The following TMPRSS11A variants were observed in gnomAD, a reference collection of about 807,000 sequenced individuals.
TMPRSS11A encodes transmembrane protease serine 11A.
In TMPRSS11A, 53 loss-of-function variants were observed where a neutral mutation model predicts 58.9. The ratio of observed to expected loss-of-function variants is 0.90; its 90% CI spans 0.72 to 1.13. The LOEUF is 1.13. Among genes scored for constraint, TMPRSS11A ranks in the 50% most tolerant of loss-of-function variants. The pLI is 0.00. For synonymous variants in TMPRSS11A, 167 were observed against 169.8 expected, an observed-to-expected ratio of 0.98 and a Z score of 0.13; for missense variants, 493 against 499.3, an observed-to-expected ratio of 0.99 and a Z score of 0.12.
chr4:67,922,640 T>C (rs939214750), intron 7 of TMPRSS11A, 115 bp downstream of exon 7: 2 of 1,028,218 alleles, frequency 1.9e-6, no homozygotes, highest in Admixed American at 5.6e-5. Flanking sequence ...GAACCTGAAA[T>C]AACTTTTTCT....
chr4:67,923,428 C>T (rs1259344777), intron 6 of TMPRSS11A, among the ~76,000 whole-genome samples: 1 of 152,188 alleles, frequency 6.6e-6, no homozygotes, highest in Non-Finnish European at 1.5e-5. Flanking sequence ...TTTGTAAAAT[C>T]TTTCAAAATT....
intron 3 of TMPRSS11A, among the ~76,000 whole-genome samples, chr4:67,943,501 A>C (rs563867633): frequency 6.6e-6 from 1 of 152,236 alleles, no homozygotes; most frequent in East Asian, 1.9e-4. Context: ...GGAGTAGAGA[A>C]GGTATTTGGG....
chr4:67,955,092 T>C (rs1043691403), intron 1 of TMPRSS11A, among the ~76,000 whole-genome samples: 103 of 152,186 alleles, frequency 6.8e-4, no homozygotes, highest in African/African-American at 2.5e-3. Context: ...TTTAAGATCA[T>C]CTTGGAGTTG....
At chr4:67,934,250 G>T (rs1232002581) in intron 3 of TMPRSS11A, among the ~76,000 whole-genome samples, 2 of 152,096 alleles carry the variant, frequency 1.3e-5, no homozygotes, top group Non-Finnish European at 2.9e-5. Context: ...CTGGTAAAAA[G>T]AATTCTGATA....
chr4:67,912,468 A>T (rs1014816236), intron 9 of TMPRSS11A, among the ~76,000 whole-genome samples: 38 of 152,084 alleles, frequency 2.5e-4, no homozygotes, highest in Admixed American at 1.0e-3. Context: ...CACTTTCTTG[A>T]TTTATTCCCT....
intron 8 of TMPRSS11A, 24 bp downstream of exon 8, chr4:67,918,949 T>C (rs1192585340): frequency 6.2e-7 from 1 of 1,613,334 alleles, no homozygotes; most frequent in Non-Finnish European, 8.5e-7. Context: ...CTTAGCGCTC[T>C]GTTAGCTATC....
Position 67,910,518 on chromosome 4 carries a change from G to A in TMPRSS11A, c.*824C>T, listed in dbSNP as rs1222056282. ...TCCCCCTTGTGGTCAAAATATGTAA[G>A]TGCATCTGTGAAATGTCAAATTTCT... On this transcript the variant is annotated 3_prime_UTR_variant, in exon 10 of 10. Coordinates refer to ENST00000508048, the MANE Select transcript of TMPRSS11A (RefSeq NM_001114387.2). 1 of 152,012 alleles carries A rather than the reference G, an allele frequency of 6.6e-6. No homozygotes were observed. The highest frequency in any genetic ancestry group is 1.5e-5 in the Non-Finnish European group (1 of 67,938). The allele number at this position is 152,012 out of a possible 1,614,324, so 9.4% of individuals were successfully genotyped here.
rs763235501 is a variant in TMPRSS11A, at chr4:67,944,627, CT to C, written c.143del (p.Lys48ArgfsTer11). 23 of 1,609,546 alleles carry C rather than the reference CT, an allele frequency of 1.4e-5. No homozygotes were observed. The highest frequency in any genetic ancestry group is 2.7e-5 in the African/African-American group (2 of 74,652). On this transcript the variant is annotated frameshift_variant, in exon 3 of 10. Transcript: ENST00000508048. LOFTEE classifies it high-confidence loss of function. Reference protein sequence around the residue: ...LVHFLVFDQKKEYYHGSFKIL... With the variant: ...LVHFLVFDQKXEYYHGSFKIL... Reference sequence around the variant, plus strand: ...TTTTAAAGGAGCCATGATAGTACTCCTTTTTTTGGTCTGCAATGGAAATGAA... The same window carrying C: ...TTTTAAAGGAGCCATGATAGTACTCCTTTTTTGGTCTGCAATGGAAATGAA...
intron 3 of TMPRSS11A, among the ~76,000 whole-genome samples, chr4:67,943,637 G>T (rs905814189): frequency 1.3e-5 from 2 of 151,404 alleles, no homozygotes; most frequent in African/African-American, 4.8e-5. Flanking sequence ...ATTAATTATT[G>T]GTTGGGAAAG....
chr4:67,941,963 C>T (rs1162062615), intron 3 of TMPRSS11A, among the ~76,000 whole-genome samples: 1 of 152,034 alleles, frequency 6.6e-6, no homozygotes, highest in African/African-American at 2.4e-5. Flanking sequence ...GCGCAGTGTC[C>T]ACAACCAACA....
At chr4:67,961,483 C>CTTT in intron 1 of TMPRSS11A, among the ~76,000 whole-genome samples, 1 of 7,184 alleles carries the variant, frequency 1.4e-4, no homozygotes, top group Non-Finnish European at 5.1e-4. Flanking sequence ...TTTTCTTTTC[C>CTTT]TTTTTTTTTT....
At chr4:67,953,281 T>A (rs781772534) in intron 1 of TMPRSS11A, among the ~76,000 whole-genome samples, 7 of 152,072 alleles carry the variant, frequency 4.6e-5, no homozygotes, top group Non-Finnish European at 1.0e-4. Context: ...TTAAATAGAA[T>A]CCTCACTTAT....
Position 67,910,763 on chromosome 4 carries a change from T to A in TMPRSS11A, c.*579A>T, listed in dbSNP as rs948018201. ...TTAGAGGTTTTATAACTAAAAAAAGTTAGAAGATCTCTGGCTTGTTTTACT... is the reference window on the plus strand; with the variant it reads ...TTAGAGGTTTTATAACTAAAAAAAGATAGAAGATCTCTGGCTTGTTTTACT... On this transcript the variant is annotated 3_prime_UTR_variant, in exon 10 of 10. Transcript: ENST00000508048. 3 of 151,982 alleles carry A rather than the reference T, an allele frequency of 2.0e-5. No individual in the cohort carries two copies. Among genetic ancestry groups the A allele is most frequent in the African/African-American group, 7.2e-5 (3 of 41,402 alleles). The allele number at this position is 151,982 out of a possible 1,614,324, so 9.4% of individuals were successfully genotyped here.
chr4:67,917,566 C>G (rs147115902), intron 8 of TMPRSS11A, among the ~76,000 whole-genome samples: 1 of 152,168 alleles, frequency 6.6e-6, no homozygotes, highest in Non-Finnish European at 1.5e-5. Context: ...TATTAATGTA[C>G]TTAACAGATT....
Position 67,924,073 on chromosome 4 carries a change from A to T in TMPRSS11A, c.520+55T>A, listed in dbSNP as rs975830723. The T allele has an allele frequency of 4.1e-6, 6 of 1,450,908 alleles. No homozygotes were observed. The Admixed American group carries it at 5.0e-5, about 12-fold the overall frequency. 89.9% of individuals were successfully genotyped at this position (1,450,908 alleles called of 1,614,324 possible). A position where few individuals can be genotyped will look rare whatever the true frequency, so the allele number is the denominator to read the frequency against. On this transcript the variant is annotated intron_variant, in intron 6 of 9. Coordinates refer to ENST00000508048, the MANE Select transcript of TMPRSS11A (RefSeq NM_001114387.2). ...GGGCAAGTATGAGCAAATATTTGAA[A>T]ATGTCCTTTCTGATGTGAAAATTGA... is the stretch of plus-strand genomic sequence containing the variant.
At chr4:67,923,477 G>A (rs1720384993) in intron 6 of TMPRSS11A, among the ~76,000 whole-genome samples, 1 of 152,182 alleles carries the variant, frequency 6.6e-6, no homozygotes, top group Non-Finnish European at 1.5e-5. Context: ...TGAAGCCACT[G>A]TTAGCGATTA....
At chr4:67,913,033 T>G (rs957551871) in intron 9 of TMPRSS11A, among the ~76,000 whole-genome samples, 4 of 152,218 alleles carry the variant, frequency 2.6e-5, no homozygotes, top group Non-Finnish European at 4.4e-5. Context: ...ATTTCCTTGA[T>G]TTTATCTTCC....
chr4:67,930,120 C>A, intron 4 of TMPRSS11A, 80 bp from the exon 5 acceptor site: 2 of 1,315,772 alleles, frequency 1.5e-6, no homozygotes, highest in East Asian at 2.3e-5. Flanking sequence ...TCTTCCTCCC[C>A]TGAATGATCC....
At chr4:67,935,225 C>G (rs999419919) in intron 3 of TMPRSS11A, among the ~76,000 whole-genome samples, 2 of 152,080 alleles carry the variant, frequency 1.3e-5, no homozygotes, top group African/African-American at 4.8e-5. Context: ...ATTCAAGGTC[C>G]TCTCCCTCTG....
Sources: gnomAD v4.1 joint callset for allele counts (sites outside exome capture counted in the v4.1 genomes callset) on GRCh38, gnomAD v4.1.1 for gene constraint, MANE v1.5 for transcripts, NCBI Gene and HGNC (gene_info 2026-07-23, HGNC 2026-07-21) for gene names.